CLINT1: variants seen among roughly 807,000 people sequenced by gnomAD.
The protein encoded by CLINT1 is clathrin interacting protein localized in the trans-Golgi region.
CLINT1 carries 15 observed loss-of-function variants against 70.4 expected under a neutral mutation model. The observed-to-expected ratio is 0.21, with a 90% confidence interval of 0.14 to 0.33. The LOEUF (loss-of-function observed/expected upper bound fraction) is 0.33, where lower values mean the gene tolerates loss of function less well. Ranked by LOEUF, CLINT1 falls within the 10% of genes least tolerant of loss-of-function variation. The pLI is 1.00. For synonymous variants in CLINT1, 227 were observed against 254.7 expected (o/e 0.89, Z 1.04); for missense variants, 615 against 778.1 (o/e 0.79, Z 2.49).
chr5:157,837,150 C>A (rs574817382), intron 1 of CLINT1, among the ~76,000 whole-genome samples: 2 of 152,206 alleles, frequency 1.3e-5, no homozygotes, highest in East Asian at 3.9e-4. Context: ...AGCTGTAATC[C>A]CAGCACTTTG....
At chr5:157,808,745 C>A (rs930438237) in intron 6 of CLINT1, among the ~76,000 whole-genome samples, 5 of 152,074 alleles carry the variant, frequency 3.3e-5, no homozygotes, top group African/African-American at 1.2e-4. Flanking sequence ...GCTCTATTCT[C>A]AAAAACTGGT....
chr5:157,819,385 C>T (rs1762814881), intron 1 of CLINT1, among the ~76,000 whole-genome samples: 1 of 152,136 alleles, frequency 6.6e-6, no homozygotes, highest in African/African-American at 2.4e-5. Context: ...TTCCCCAGGA[C>T]TAAAATAAAT....
At chr5:157,822,294 C>T (rs1419829021) in intron 1 of CLINT1, among the ~76,000 whole-genome samples, 1 of 151,862 alleles carries the variant, frequency 6.6e-6, no homozygotes, top group Non-Finnish European at 1.5e-5. Context: ...TTGTATGCTG[C>T]AACCGTTAAC....
At chr5:157,822,537 T>C (rs991975633) in intron 1 of CLINT1, among the ~76,000 whole-genome samples, 1 of 152,214 alleles carries the variant, frequency 6.6e-6, no homozygotes, top group Non-Finnish European at 1.5e-5. Context: ...GAAAATGGAC[T>C]AACACATGCT....
At chr5:157,816,962 A>ATATG in intron 2 of CLINT1, 132 bp from the exon 3 acceptor site, 1 of 604,026 alleles carries the variant, frequency 1.7e-6, no homozygotes, top group Non-Finnish European at 2.8e-6. Context: ...AATTTAGAAG[A>ATATG]TATGTACTTC....
At chr5:157,834,194 T>C (rs1037306531) in intron 1 of CLINT1, among the ~76,000 whole-genome samples, 1 of 151,408 alleles carries the variant, frequency 6.6e-6, no homozygotes, top group African/African-American at 2.4e-5. Flanking sequence ...TGAAACCCCA[T>C]CTCTACTAAA....
chr5:157,798,749 A>G (rs1317599929), intron 8 of CLINT1, among the ~76,000 whole-genome samples: 1 of 152,122 alleles, frequency 6.6e-6, no homozygotes, highest in Non-Finnish European at 1.5e-5. Context: ...ATAAAATGAA[A>G]TATTATTTTC....
At chr5:157,809,380 G>GTAA (rs1336715312) in intron 6 of CLINT1, among the ~76,000 whole-genome samples, 1 of 151,382 alleles carries the variant, frequency 6.6e-6, no homozygotes, top group Non-Finnish European at 1.5e-5. Context: ...ATGCACCATA[G>GTAA]TAATGCAAGA....
At chr5:157,816,678 AT>A in intron 3 of CLINT1, 55 bp downstream of exon 3, 2 of 1,264,254 alleles carry the variant, frequency 1.6e-6, no homozygotes, top group South Asian at 2.5e-5. Flanking sequence ...TACACCTTCA[AT>A]TTCCAGCATT....
At chr5:157,845,279 G>A (rs947133965) in intron 1 of CLINT1, among the ~76,000 whole-genome samples, 6 of 151,994 alleles carry the variant, frequency 3.9e-5, no homozygotes, top group Non-Finnish European at 4.4e-5. Flanking sequence ...AACCTGGGAG[G>A]TGGAGGTTGC....
At chr5:157,799,158 T>A (rs1581481840) in intron 8 of CLINT1, among the ~76,000 whole-genome samples, 2 of 152,124 alleles carry the variant, frequency 1.3e-5, no homozygotes, top group African/African-American at 4.8e-5. Context: ...TTATGGTAAA[T>A]CACTTGTTTT....
chr5:157,836,280 C>T (rs1198354673), intron 1 of CLINT1, among the ~76,000 whole-genome samples: 1 of 152,098 alleles, frequency 6.6e-6, no homozygotes, highest in African/African-American at 2.4e-5. Context: ...TATTACTATC[C>T]CCATTTTACA....
Position 157,789,532 on chromosome 5 carries a change from A to G in CLINT1, c.1381-19T>C, listed in dbSNP as rs367869157. 3.8e-5 allele frequency: 61 copies of G among 1,613,994 alleles called. No individual in the cohort carries two copies. The Middle Eastern group carries it at 6.6e-4, about 17-fold the overall frequency. ...CTGTATTCTGATTATAGAGAGGATT[A>G]GGCTTCTGCAGCACTGTGCTAACAT... On this transcript the variant is annotated intron_variant, in intron 10 of 11. Transcript: ENST00000411809.
intron 1 of CLINT1, among the ~76,000 whole-genome samples, chr5:157,831,320 C>G (rs1763237693): frequency 6.6e-6 from 1 of 151,700 alleles, no homozygotes; most frequent in Admixed American, 6.6e-5. Flanking sequence ...CTGCGAGTAG[C>G]TGGGACTACA....
chr5:157,805,462 T>C (rs1291955556), intron 7 of CLINT1, among the ~76,000 whole-genome samples: 1 of 152,218 alleles, frequency 6.6e-6, no homozygotes, highest in African/African-American at 2.4e-5. Flanking sequence ...CGTTTCTACA[T>C]TACATGAGAT....
Position 157,809,831 on chromosome 5 carries a change from C to G in CLINT1, c.518-26G>C, listed in dbSNP as rs1303356135. The stretch of plus-strand genomic sequence containing the variant: ...CTAGATAGAGCATTAAAAAAAGAAG[C>G]AATTCTAACGACATTAAATTCAAAA... On this transcript the variant is annotated intron_variant, in intron 5 of 11. Transcript: ENST00000411809. 1.9e-6 allele frequency: 3 copies of G among 1,593,706 alleles called. No homozygotes were observed. The East Asian group carries it at 6.8e-5, about 36-fold the overall frequency.
At position 157,847,905 on chromosome 5, in the gene CLINT1, TG is replaced by T. The variant is rs1753436950; in HGVS notation, c.41+11024del. Among the ~76,000 whole-genome samples, 5 of 152,256 alleles carry T rather than the reference TG, an allele frequency of 3.3e-5. No individual in the cohort carries two copies. The South Asian group carries it at 1.0e-3, about 32-fold the overall frequency. The stretch of plus-strand genomic sequence containing the variant: ...ACTGTTCACTGCAGCCTTGACCTCC[TG>T]AGCTCAAGTAATCCTCCTACCTCAG... On this transcript the variant is annotated intron_variant, in intron 1 of 11. Coordinates refer to ENST00000411809, the MANE Select transcript of CLINT1 (RefSeq NM_014666.4).
In CLINT1 at chr5:157,791,991, T is replaced by C. The variant is rs1384893811; in HGVS notation, c.1092A>G (p.Thr364=). 2.5e-6 allele frequency: 4 copies of C among 1,612,300 alleles called. No homozygotes were observed. The Admixed American group carries it at 6.7e-5, about 27-fold the overall frequency. Residue 364 remains threonine (T), a synonymous_variant, in exon 10 of 12, where the codon ACA becomes ACG. Transcript: ENST00000411809. Reference sequence around the variant, plus strand: ...CAAAGTCTCCATTCCCACTTGTTGCTGTTACTAAGACAGAAATAACTCTAA... The same window carrying C: ...CAAAGTCTCCATTCCCACTTGTTGCCGTTACTAAGACAGAAATAACTCTAA... ...AASGSFPSQV[T]ATSGNGDFGD... is the part of the protein sequence containing the mutation.
intron 1 of CLINT1, among the ~76,000 whole-genome samples, chr5:157,842,853 G>C (rs1753237662): frequency 6.6e-6 from 1 of 152,214 alleles, no homozygotes; most frequent in South Asian, 2.1e-4. Flanking sequence ...CGTTTTGCGT[G>C]TAAGTTTAAC....
Sources: allele counts gnomAD v4.1 joint callset (sites outside exome capture counted in the v4.1 genomes callset), GRCh38; gene constraint gnomAD v4.1.1; transcripts MANE v1.5; gene names NCBI Gene and HGNC (gene_info 2026-07-23, HGNC 2026-07-21).